TMEM8B: variants seen among roughly 807,000 people sequenced by gnomAD.
TMEM8B encodes the protein transmembrane protein 8B, also known as nasopharyngeal carcinoma expressed 6.
In TMEM8B, 29 loss-of-function variants were observed where a neutral mutation model predicts 49.3. The observed-to-expected ratio is 0.59, with a 90% CI of 0.44 to 0.80. The LOEUF is 0.80. TMEM8B is among the 30% of genes least tolerant of loss of function. TMEM8B has a pLI of 0.00. For synonymous variants in TMEM8B, 264 were observed against 272.8 expected (o/e 0.97, Z 0.32); for missense variants, 575 against 658.5 (o/e 0.87, Z 1.39).
chr9:35,861,440 A>AAG lies in TMEM8B; in HGVS notation c.*7600_*7601insAG, dbSNP rs1167225106. On this transcript the variant is annotated 3_prime_UTR_variant, in exon 13 of 13. Transcript: ENST00000643932. Reference sequence around the variant, plus strand: ...TTACCTGCTGCCTTCTTGTGCTCCCACTGCCCTTGGCCATCCCTCTGTGTC... The same window carrying AAG: ...TTACCTGCTGCCTTCTTGTGCTCCCAAGCTGCCCTTGGCCATCCCTCTGTGTC... 1 of 153,206 alleles carries AAG rather than the reference A, an allele frequency of 6.5e-6. No individual in the cohort carries two copies. Among genetic ancestry groups the AAG allele is most frequent in the Non-Finnish European group, 1.5e-5 (1 of 68,788 alleles). The allele number at this position is 153,206 out of a possible 1,614,324, so 9.5% of individuals were successfully genotyped here. A position where few individuals can be genotyped will look rare whatever the true frequency, so the allele number is the denominator to read the frequency against.
chr9:35,833,458 G>A (rs1830117521), intron 1 of TMEM8B: 1 of 659,282 alleles, frequency 1.5e-6, no homozygotes, highest in Non-Finnish European at 1.9e-6. Context: ...GTCTGCTACT[G>A]GTTGCCTCCA....
At position 35,853,524 on chromosome 9, in the gene TMEM8B, G is replaced by A. The variant is rs751613235; in HGVS notation, c.2459G>A (p.Arg820His). The A allele has an allele frequency of 8.1e-6, 13 of 1,613,360 alleles. No individual in the cohort carries two copies. The highest frequency in any genetic ancestry group is 1.6e-4 in the Middle Eastern group (1 of 6,082). Residue 820 changes from arginine (R) to histidine (H), a missense_variant, in exon 13 of 13, where the codon CGC becomes CAC. Arg to His is a conservative substitution (Grantham distance 29). Transcript: ENST00000643932. This position sits in a 1 kb window ranked among gnomAD's most constrained non-coding sequence, Gnocchi z 4.2. ...ATAWTVRSVR[R>H]RHCYPPTWRR... ...CCCCAGACAGTACGCAGCGTCCGCC[G>A]CCGGCACTGCTACCCACCCACGTGG...
Position 35,860,119 on chromosome 9 carries a change from A to G in TMEM8B, c.*6279A>G, listed in dbSNP as rs1189419848. On this transcript the variant is annotated 3_prime_UTR_variant, in exon 13 of 13. Transcript: ENST00000643932. ...GGAATTTAGTTTCACCATCTGTATA[A>G]TGAGGGAGTTGGACTTCAGATCTGC... The G allele has an allele frequency of 1.3e-5, 2 of 152,178 alleles. No individual in the cohort carries two copies. The highest frequency in any genetic ancestry group is 2.9e-5 in the Non-Finnish European group (2 of 68,038). 9.4% of individuals were successfully genotyped at this position (152,178 alleles called of 1,614,324 possible).
At chr9:35,846,107 T>TGG (rs752150120) in intron 7 of TMEM8B, 39 bp downstream of exon 7, 1 of 1,554,044 alleles carries the variant, frequency 6.4e-7, no homozygotes, top group African/African-American at 1.6e-5. Flanking sequence ...AGCTGCAGTG[T>TGG]GGGGGTGGTG....
rs1050964005 is a variant in TMEM8B at position 35,857,390 on chromosome 9, G to A, written c.*3550G>A. The A allele has an allele frequency of 6.6e-6, 1 of 152,274 alleles. No individual in the cohort carries two copies. The highest frequency in any genetic ancestry group is 2.4e-5 in the African/African-American group (1 of 41,460). The allele number at this position is 152,274 out of a possible 1,614,324, so 9.4% of individuals were successfully genotyped here. A position where few individuals can be genotyped will look rare whatever the true frequency, so the allele number is the denominator to read the frequency against. On this transcript the variant is annotated 3_prime_UTR_variant, in exon 13 of 13. Transcript: ENST00000643932. ...AGCGATCTCAAAGTGCAATGGGAAA[G>A]GATGCATGAGAGAGATGGTGTCTAA...
rs1313245911 is a variant in TMEM8B at position 35,865,435 on chromosome 9, A to C, written c.*11595A>C. ...CCCTTCCTGTCCTTTCACAATAAAG[A>C]ATAACAACTTGACACAGCTTAGAGA... On this transcript the variant is annotated 3_prime_UTR_variant, in exon 13 of 13. Coordinates refer to ENST00000643932, the MANE Select transcript of TMEM8B (RefSeq NM_001042590.4). 6.6e-6 allele frequency: 1 copy of C among 152,220 alleles called. No individual in the cohort carries two copies. Among genetic ancestry groups the C allele is most frequent in the Non-Finnish European group, 1.5e-5 (1 of 68,040 alleles). The allele number at this position is 152,220 out of a possible 1,614,324, so 9.4% of individuals were successfully genotyped here.
intron 2 of TMEM8B, 67 bp from the exon 3 acceptor site, chr9:35,834,944 C>CG (rs1270997557): frequency 2.6e-5 from 11 of 415,260 alleles, no homozygotes; most frequent in African/African-American, 1.8e-4. Flanking sequence ...TCTTTTCTTT[C>CG]TTTCTTTCAT....
chr9:35,830,367 C>T (rs1172826580), intron 1 of TMEM8B, among the ~76,000 whole-genome samples: 1 of 152,158 alleles, frequency 6.6e-6, no homozygotes, highest in Admixed American at 6.5e-5. Context: ...TGCATTCAAA[C>T]GGCATGAAGA....
At position 35,850,578 on chromosome 9, in the gene TMEM8B, C is replaced by T. The variant is rs189092235; in HGVS notation, c.2176-2249C>T. On this transcript the variant is annotated intron_variant, in intron 10 of 12. Coordinates refer to ENST00000643932, the MANE Select transcript of TMEM8B (RefSeq NM_001042590.4). The stretch of plus-strand genomic sequence containing the variant: ...TTAGTATACCTGGAAAATAATTAGT[C>T]GTAAAATATTAGTGAAATGATTTCT... Among the ~76,000 whole-genome samples, 603 of 152,226 alleles carry T rather than the reference C, an allele frequency of 4.0e-3. 2 individuals carry two copies. The highest frequency in any genetic ancestry group is 5.6e-3 in the Non-Finnish European group (384 of 68,024).
Position 35,853,982 on chromosome 9 carries a change from A to T in TMEM8B, c.*142A>T. 6 of 1,362,346 alleles carry T rather than the reference A, an allele frequency of 4.4e-6. No homozygotes were observed. Among genetic ancestry groups the T allele is most frequent in the Non-Finnish European group, 4.7e-6 (5 of 1,062,506 alleles). 84.4% of individuals were successfully genotyped at this position (1,362,346 alleles called of 1,614,324 possible). A position where few individuals can be genotyped will look rare whatever the true frequency, so the allele number is the denominator to read the frequency against. On this transcript the variant is annotated 3_prime_UTR_variant, in exon 13 of 13. Transcript: ENST00000643932. This position sits in a 1 kb window ranked among gnomAD's most constrained non-coding sequence, Gnocchi z 4.2. ...TCAAGGACACAAAACTCTTCCAGGG[A>T]CCTGGAGCCCTTCCCAGGACATGGA...
chr9:35,845,982 T>A lies in TMEM8B; in HGVS notation c.1643T>A (p.Val548Glu). 1.2e-6 allele frequency: 2 copies of A among 1,613,798 alleles called. No individual in the cohort carries two copies. The highest frequency in any genetic ancestry group is 1.7e-6 in the Non-Finnish European group (2 of 1,179,898). The change falls in exon 7 of 13, where the codon GTG becomes GAG. Residue 548 changes from valine to glutamate, a missense_variant. By Grantham distance (121) the Val-to-Glu change is moderately radical (BLOSUM62 -2). Coordinates refer to ENST00000643932, the MANE Select transcript of TMEM8B (RefSeq NM_001042590.4). ...SLELQLNASSVRQENVTVFGC... is the reference protein window; with the variant it reads ...SLELQLNASSERQENVTVFGC... ...CATACCTGCCCTCCCCAGAGCTCCG[T>A]GCGCCAGGAAAACGTGACGGTGTTT...
chr9:35,843,521 C>T (rs912928975), intron 6 of TMEM8B, among the ~76,000 whole-genome samples: 42 of 152,062 alleles, frequency 2.8e-4, no homozygotes, highest in African/African-American at 8.5e-4. Context: ...GTGGTCGGAC[C>T]GGGGTACCAG....
intron 3 of TMEM8B, among the ~76,000 whole-genome samples, chr9:35,838,851 C>T (rs572606414): frequency 6.6e-6 from 1 of 152,182 alleles, no homozygotes; most frequent in Admixed American, 6.5e-5. Flanking sequence ...CACAAGCAAT[C>T]GTAAAGAAAA....
intron 10 of TMEM8B, among the ~76,000 whole-genome samples, chr9:35,851,415 G>T (rs1017204210): frequency 1.3e-5 from 2 of 152,174 alleles, no homozygotes; most frequent in African/African-American, 4.8e-5. Context: ...AAAGTGCTGG[G>T]ATTAACAGGC....
At position 35,861,192 on chromosome 9, in the gene TMEM8B, C is replaced by T. The variant is rs566491719; in HGVS notation, c.*7352C>T. The T allele has an allele frequency of 1.4e-3, 213 of 152,432 alleles. No individual in the cohort carries two copies. The highest frequency in any genetic ancestry group is 2.3e-3 in the Admixed American group (35 of 15,314). The allele number at this position is 152,432 out of a possible 1,614,324, so 9.4% of individuals were successfully genotyped here. A position where few individuals can be genotyped will look rare whatever the true frequency, so the allele number is the denominator to read the frequency against. ...GTGGAGCCCTGTCTGTCCTTCCGGGCTAGATTTCTTCTTTCTCTTATTCCT... is the reference window on the plus strand; with the variant it reads ...GTGGAGCCCTGTCTGTCCTTCCGGGTTAGATTTCTTCTTTCTCTTATTCCT... On this transcript the variant is annotated 3_prime_UTR_variant, in exon 13 of 13. Coordinates refer to ENST00000643932, the MANE Select transcript of TMEM8B (RefSeq NM_001042590.4).
At chr9:35,844,179 G>A (rs1414886196) in intron 6 of TMEM8B, among the ~76,000 whole-genome samples, 1 of 152,166 alleles carries the variant, frequency 6.6e-6, no homozygotes, top group Non-Finnish European at 1.5e-5. Context: ...TTGCATTTTT[G>A]CAGTGAATTT....
rs879022922 is a variant in TMEM8B, at chr9:35,846,732, G to T, written c.1997-85G>T. 151 of 1,545,782 alleles carry T rather than the reference G, an allele frequency of 9.8e-5. 1 individual carries two copies. Among genetic ancestry groups the T allele is most frequent in the Admixed American group, 2.4e-4 (13 of 54,774 alleles). On this transcript the variant is annotated intron_variant, in intron 9 of 12. Coordinates refer to ENST00000643932, the MANE Select transcript of TMEM8B (RefSeq NM_001042590.4). ...AATTGGGGACGGGTTTGGCAGAGCC[G>T]GGGTGAGACCACCCTCCACAAGCTG...
In TMEM8B at chr9:35,864,213, A is replaced by G. The variant is rs1467379115; in HGVS notation, c.*10373A>G. 6.6e-6 allele frequency: 1 copy of G among 152,154 alleles called. No individual in the cohort carries two copies. The highest frequency in any genetic ancestry group is 1.5e-5 in the Non-Finnish European group (1 of 68,036). The allele number at this position is 152,154 out of a possible 1,614,324, so 9.4% of individuals were successfully genotyped here. A position where few individuals can be genotyped will look rare whatever the true frequency, so the allele number is the denominator to read the frequency against. ...TGTAATCTCTGAAACATTTCCTCAT[A>G]TGTTTCTAGCAACTTCCAACCTGAG... is the stretch of plus-strand genomic sequence containing the variant. On this transcript the variant is annotated 3_prime_UTR_variant, in exon 13 of 13. Coordinates refer to ENST00000643932, the MANE Select transcript of TMEM8B (RefSeq NM_001042590.4).
chr9:35,829,650 C>T lies in TMEM8B; in HGVS notation c.203C>T (p.Ala68Val). 1.0e-5 allele frequency: 4 copies of T among 401,094 alleles called. No homozygotes were observed. The highest frequency in any genetic ancestry group is 1.8e-5 in the Non-Finnish European group (4 of 226,976). The allele number at this position is 401,094 out of a possible 1,614,324, so 24.8% of individuals were successfully genotyped here. The change falls in exon 1 of 13, where the codon GCC (alanine) becomes GTC (valine). Residue 68 changes from alanine (A) to valine (V), a missense_variant. Physicochemically the swap from Ala to Val is moderately conservative, Grantham distance 64. Transcript: ENST00000643932. ...FHPLSQIPAQ[A>V]LSQPHSQCLL... The stretch of plus-strand genomic sequence containing the variant: ...CCCCTGTCACAAATCCCAGCCCAGG[C>T]CCTGTCCCAGCCCCATTCCCAGTGT...
Sources: allele counts gnomAD v4.1 joint callset (sites outside exome capture counted in the v4.1 genomes callset), GRCh38; gene constraint gnomAD v4.1.1; non-coding constraint Gnocchi (gnomAD v3.1); transcripts MANE v1.5; gene names NCBI Gene and HGNC (gene_info 2026-07-23, HGNC 2026-07-21).